DEPDC5: variants seen among roughly 807,000 people sequenced by gnomAD.
The protein encoded by DEPDC5 is DEP domain containing 5, GATOR1 subcomplex subunit.
In DEPDC5, 73 loss-of-function variants were observed where a neutral mutation model predicts 217.3. That is an observed-to-expected ratio of 0.34 (90% confidence interval 0.28 to 0.41). DEPDC5 has a LOEUF of 0.41. Among genes scored for constraint, DEPDC5 ranks in the 10% least tolerant of loss-of-function variants. The pLI is 1.00. For synonymous variants in DEPDC5, 733 were observed against 756.7 expected (o/e 0.97, Z 0.51); for missense variants, 1,675 against 2,070.1 (o/e 0.81, Z 3.70).
chr22:31,787,185 A>G (rs1027749969), intron 10 of DEPDC5, among the ~76,000 whole-genome samples: 8 of 152,088 alleles, frequency 5.3e-5, no homozygotes, highest in Non-Finnish European at 1.0e-4. Context: ...TCCTGAGCTC[A>G]AGTGATTCTC....
At chr22:31,758,731 G>A in intron 3 of DEPDC5, 98 bp downstream of exon 3, 1 of 1,178,344 alleles carries the variant, frequency 8.5e-7, no homozygotes, top group Non-Finnish European at 1.2e-6. Context: ...TGCTCATGCT[G>A]TGATGGCTCA....
chr22:31,906,385 A>C lies in DEPDC5; in HGVS notation c.4700A>C (p.Lys1567Thr), dbSNP rs371574914. The C allele has an allele frequency of 6.2e-7, 1 of 1,614,024 alleles. No homozygotes were observed. Among genetic ancestry groups the C allele is most frequent in the African/African-American group, 1.3e-5 (1 of 74,940 alleles). Residue 1567 changes from lysine to threonine, a missense_variant, in exon 43 of 43, where the codon AAG becomes ACG. Transcript: ENST00000651528. The surrounding 1 kb of genome is among the most constrained non-coding windows in gnomAD (Gnocchi z 5.1). Reference sequence around the variant, plus strand: ...CGCTCCAGCGCCACAGGGGATGAAAAGTTTGCTGATCGGCTGCTGAAGGAC... The same window carrying C: ...CGCTCCAGCGCCACAGGGGATGAAACGTTTGCTGATCGGCTGCTGAAGGAC... ...TWRSSATGDE[K>T]FADRLLKDFT...
At chr22:31,767,335 G>A (rs1332332033) in intron 6 of DEPDC5, among the ~76,000 whole-genome samples, 1 of 151,348 alleles carries the variant, frequency 6.6e-6, no homozygotes, top group Non-Finnish European at 1.5e-5. Flanking sequence ...GTTTCTTGTT[G>A]CCCAGGCTGG....
chr22:31,831,483 A>T (rs1300105387), intron 24 of DEPDC5, among the ~76,000 whole-genome samples: 1 of 152,092 alleles, frequency 6.6e-6, no homozygotes, highest in East Asian at 1.9e-4. Context: ...TTTCAGACAG[A>T]GTCTTGCTCT....
In DEPDC5 at chr22:31,850,145, C is replaced by T. The variant is rs956952785; in HGVS notation, c.3155+3178C>T. Among the ~76,000 whole-genome samples the T allele has an allele frequency of 8.6e-5, 13 of 151,784 alleles. No homozygotes were observed. The East Asian group carries it at 9.7e-4, about 11-fold the overall frequency. On this transcript the variant is annotated intron_variant, in intron 31 of 42. Coordinates refer to ENST00000651528, the MANE Select transcript of DEPDC5 (RefSeq NM_001242896.3). ...ACAACAACAACAACAAAATTTGAGCCGGGTTTTAAATTTGAAGATTCCATA... is the reference window on the plus strand; with the variant it reads ...ACAACAACAACAACAAAATTTGAGCTGGGTTTTAAATTTGAAGATTCCATA...
At chr22:31,792,464 G>C (rs2085773926) in intron 11 of DEPDC5, among the ~76,000 whole-genome samples, 1 of 151,858 alleles carries the variant, frequency 6.6e-6, no homozygotes, top group Non-Finnish European at 1.5e-5. Flanking sequence ...AAATTAGCCA[G>C]GTGTGGTGGC....
At chr22:31,761,899 C>T (rs1171889210) in intron 4 of DEPDC5, among the ~76,000 whole-genome samples, 1 of 140,776 alleles carries the variant, frequency 7.1e-6, no homozygotes, top group African/African-American at 2.7e-5. Context: ...ACCCGGGAGG[C>T]GGAGGTTGCA....
At chr22:31,779,431 C>A (rs2084200261) in intron 8 of DEPDC5, among the ~76,000 whole-genome samples, 1 of 152,050 alleles carries the variant, frequency 6.6e-6, no homozygotes, top group African/African-American at 2.4e-5. Context: ...GTATTCCAGG[C>A]AAAGGAAACA....
At position 31,810,579 on chromosome 22, in the gene DEPDC5, C is replaced by T; in HGVS notation, c.1383C>T (p.Ala461=). 1 of 1,614,158 alleles carries T rather than the reference C, an allele frequency of 6.2e-7. No individual in the cohort carries two copies. The highest frequency in any genetic ancestry group is 8.5e-7 in the Non-Finnish European group (1 of 1,180,028). The change falls in exon 20 of 43, where the codon GCC becomes GCT. Residue 461 remains alanine, a synonymous_variant. Coordinates refer to ENST00000651528, the MANE Select transcript of DEPDC5 (RefSeq NM_001242896.3). ...NALPIQVDYD[A]YDAQVFRLPG... is the part of the protein sequence containing the mutation. ...TTCCCATCCAAGTAGATTATGACGC[C>T]TATGACGCTCAAGTGTTCAGGCTGC...
rs918076201 is a variant in DEPDC5 at position 31,784,143 on chromosome 22, G to A, written c.562+158G>A. 29 of 583,418 alleles carry A rather than the reference G, an allele frequency of 5.0e-5. No homozygotes were observed. The East Asian group carries it at 6.2e-4, about 12-fold the overall frequency. 36.1% of individuals were successfully genotyped at this position (583,418 alleles called of 1,614,324 possible). On this transcript the variant is annotated intron_variant, in intron 9 of 42. Transcript: ENST00000651528. ...TATTTGGAGGTTAGAGTGTTTTCTCGTTCTAAAGATACACTACTTTTTTCA... is the reference window on the plus strand; with the variant it reads ...TATTTGGAGGTTAGAGTGTTTTCTCATTCTAAAGATACACTACTTTTTTCA...
At chr22:31,819,396 G>T (rs563037159) in intron 22 of DEPDC5, among the ~76,000 whole-genome samples, 171 bp downstream of exon 22, 1 of 152,016 alleles carries the variant, frequency 6.6e-6, no homozygotes, top group African/African-American at 2.4e-5. Context: ...CCTTGAAGAT[G>T]CACTTGGGAA....
At chr22:31,866,480 A>G (rs545261385) in intron 33 of DEPDC5, among the ~76,000 whole-genome samples, 1 of 151,972 alleles carries the variant, frequency 6.6e-6, no homozygotes, top group East Asian at 1.9e-4. Context: ...CCGCCTCCCG[A>G]GTTCAAGCGA....
intron 38 of DEPDC5, among the ~76,000 whole-genome samples, chr22:31,889,990 G>C (rs1020738449): frequency 1.3e-5 from 2 of 152,176 alleles, no homozygotes; most frequent in African/African-American, 4.8e-5. Context: ...GGGCGGCACA[G>C]ACAGGCCTCA....
chr22:31,891,226 C>T (rs899915953), intron 38 of DEPDC5: 3 of 586,796 alleles, frequency 5.1e-6, no homozygotes, highest in African/African-American at 3.8e-5. Context: ...ACCAAGTCAT[C>T]GACAATAACG....
At chr22:31,811,345 C>G (rs1474699127) in intron 20 of DEPDC5, among the ~76,000 whole-genome samples, 4 of 152,084 alleles carry the variant, frequency 2.6e-5, no homozygotes, top group African/African-American at 9.7e-5. Flanking sequence ...GCTGGGATTA[C>G]AGGTGTGAGC....
chr22:31,857,682 C>G (rs977081493), intron 32 of DEPDC5, 129 bp downstream of exon 32: 1 of 678,466 alleles, frequency 1.5e-6, no homozygotes, highest in African/African-American at 1.8e-5. Context: ...ACCCTGAACC[C>G]TTTAAAGGTT....
chr22:31,806,739 C>T (rs2087587646), intron 18 of DEPDC5, among the ~76,000 whole-genome samples: 1 of 152,210 alleles, frequency 6.6e-6, no homozygotes. Flanking sequence ...TGTGCAGTGG[C>T]TCTTGCCTGT....
rs2093771499 is a variant in DEPDC5 at position 31,907,334 on chromosome 22, AAAATC to A, written c.*841_*845del. ...ACGCAGATATGATGGCATTCTGAAA[AAAATC>A]AAAGGAAACATTTTGTAGACTCTAA... On this transcript the variant is annotated 3_prime_UTR_variant, in exon 43 of 43. Transcript: ENST00000651528. 1 of 152,204 alleles carries A rather than the reference AAAATC, an allele frequency of 6.6e-6. No homozygotes were observed. Among genetic ancestry groups the A allele is most frequent in the South Asian group, 2.1e-4 (1 of 4,830 alleles). 9.4% of individuals were successfully genotyped at this position (152,204 alleles called of 1,614,324 possible).
intron 7 of DEPDC5, among the ~76,000 whole-genome samples, chr22:31,774,665 AC>A: frequency 6.6e-6 from 1 of 150,498 alleles, no homozygotes; most frequent in East Asian, 2.0e-4. Flanking sequence ...ACATGGTGAA[AC>A]CCCGTCTTTA....
Sources: allele counts gnomAD v4.1 joint callset (sites outside exome capture counted in the v4.1 genomes callset), GRCh38; gene constraint gnomAD v4.1.1; non-coding constraint Gnocchi (gnomAD v3.1); transcripts MANE v1.5; gene names NCBI Gene and HGNC (gene_info 2026-07-23, HGNC 2026-07-21).